The following RPS6KC1 variants were observed in gnomAD, a reference collection of about 807,000 sequenced individuals.
The protein encoded by RPS6KC1 is ribosomal protein S6 kinase C1.
In RPS6KC1, 54 loss-of-function variants were observed where a neutral mutation model predicts 103.8. The observed-to-expected ratio is 0.52, with a 90% confidence interval of 0.42 to 0.65. The LOEUF is 0.65. RPS6KC1 is among the 30% of genes least tolerant of loss of function. The pLI is 0.00. For synonymous variants in RPS6KC1, 439 were observed against 438.7 expected, an observed-to-expected ratio of 1.00 and a Z score of -0.01; for missense variants, 1,151 against 1,253.8, an observed-to-expected ratio of 0.92 and a Z score of 1.24.
the RPS6KC1 span, among the ~76,000 whole-genome samples, chr1:213,602,019 T>TTCTTTTC: frequency 6.3e-5 from 2 of 31,522 alleles, no homozygotes; most frequent in Non-Finnish European, 1.4e-4. Flanking sequence ...TTCTTTTCTT[T>TTCTTTTC]CTTTCTTTCT....
At chr1:213,056,310 G>A (rs2077326368) in intron 1 of RPS6KC1, among the ~76,000 whole-genome samples, 1 of 152,132 alleles carries the variant, frequency 6.6e-6, no homozygotes, top group African/African-American at 2.4e-5. Flanking sequence ...CTTGTCCAGG[G>A]TCATATAGCC....
At chr1:213,860,082 A>G in the RPS6KC1 span, among the ~76,000 whole-genome samples, 1 of 151,628 alleles carries the variant, frequency 6.6e-6, no homozygotes, top group Non-Finnish European at 1.5e-5. Context: ...TGACATAGAA[A>G]AAAGGTGTAA....
intron 4 of RPS6KC1, among the ~76,000 whole-genome samples, chr1:213,115,344 G>C (rs991115922): frequency 1.1e-4 from 16 of 152,228 alleles, no homozygotes; most frequent in Admixed American, 1.0e-3. Context: ...TTTGCATAGA[G>C]GTGTCTGTAG....
At chr1:213,280,695 A>G in the RPS6KC1 span, among the ~76,000 whole-genome samples, 19 of 152,270 alleles carry the variant, frequency 1.2e-4, no homozygotes, top group African/African-American at 4.3e-4. Context: ...GGTGAGGGGA[A>G]TGTGGGTGAT....
At chr1:213,646,027 GT>G in the RPS6KC1 span, among the ~76,000 whole-genome samples, 2 of 151,912 alleles carry the variant, frequency 1.3e-5, no homozygotes, top group Admixed American at 1.3e-4. Context: ...TGCAGCTGAA[GT>G]TTTTTAAAAA....
At chr1:213,397,015 A>C in the RPS6KC1 span, among the ~76,000 whole-genome samples, 1 of 152,160 alleles carries the variant, frequency 6.6e-6, no homozygotes, top group Non-Finnish European at 1.5e-5. Flanking sequence ...AAATTCTCAA[A>C]ACATAAGTCC....
the RPS6KC1 span, among the ~76,000 whole-genome samples, chr1:213,740,634 A>G: frequency 7.4e-4 from 112 of 150,468 alleles, no homozygotes; most frequent in Non-Finnish European, 1.5e-3. Flanking sequence ...TCAGATATAT[A>G]TACACATACA....
chr1:213,498,341 TA>T, the RPS6KC1 span, among the ~76,000 whole-genome samples: 5 of 152,246 alleles, frequency 3.3e-5, no homozygotes, highest in Admixed American at 3.3e-4. Flanking sequence ...TTTTCCATAT[TA>T]GAAAATCTCT....
At chr1:213,561,620 T>C in the RPS6KC1 span, among the ~76,000 whole-genome samples, 2 of 152,204 alleles carry the variant, frequency 1.3e-5, no homozygotes, top group African/African-American at 4.8e-5. Context: ...CTGTGCACAA[T>C]GTGCTACTCT....
the RPS6KC1 span, among the ~76,000 whole-genome samples, chr1:213,628,911 C>G: frequency 0.02 from 2,995 of 152,152 alleles, 48 homozygotes; most frequent in Non-Finnish European, 0.026. Flanking sequence ...GTTTCTTAAC[C>G]CTGAGTTCTG....
At chr1:213,760,592 T>C in the RPS6KC1 span, among the ~76,000 whole-genome samples, 1 of 151,712 alleles carries the variant, frequency 6.6e-6, no homozygotes, top group Non-Finnish European at 1.5e-5. Context: ...ACCTACACAA[T>C]TCAAGATAAA....
chr1:213,225,260 T>A (rs2148816728), intron 8 of RPS6KC1, among the ~76,000 whole-genome samples: 1 of 152,330 alleles, frequency 6.6e-6, no homozygotes, highest in South Asian at 2.1e-4. Context: ...AAGGGCACAT[T>A]TTTAAAAAAT....
At chr1:213,536,751 C>G in the RPS6KC1 span, among the ~76,000 whole-genome samples, 1 of 152,186 alleles carries the variant, frequency 6.6e-6, no homozygotes, top group Non-Finnish European at 1.5e-5. Context: ...CCAGTGCCCC[C>G]AACTGGGAGG....
At chr1:213,834,531 T>C in the RPS6KC1 span, among the ~76,000 whole-genome samples, 1 of 152,206 alleles carries the variant, frequency 6.6e-6, no homozygotes, top group African/African-American at 2.4e-5. Flanking sequence ...GGTATCTCTC[T>C]AAAGTGCCTA....
chr1:213,081,231 G>T (rs562428839), intron 3 of RPS6KC1, among the ~76,000 whole-genome samples: 15 of 152,258 alleles, frequency 9.9e-5, no homozygotes, highest in African/African-American at 3.1e-4. Context: ...TTTGGCTCAT[G>T]GTTTTACAGG....
intron 2 of RPS6KC1, among the ~76,000 whole-genome samples, chr1:213,071,796 G>A (rs578226699): frequency 5.3e-5 from 8 of 150,554 alleles, no homozygotes; most frequent in African/African-American, 2.0e-4. Flanking sequence ...ACTGCTTTAG[G>A]CATAGATATT....
chr1:213,696,264 C>T, the RPS6KC1 span, among the ~76,000 whole-genome samples: 1 of 152,098 alleles, frequency 6.6e-6, no homozygotes, highest in East Asian at 1.9e-4. Context: ...CTTTGGGAGG[C>T]TGAGGCGGGC....
At chr1:213,593,064 C>T in the RPS6KC1 span, among the ~76,000 whole-genome samples, 3 of 151,224 alleles carry the variant, frequency 2.0e-5, no homozygotes, top group Non-Finnish European at 4.4e-5. Flanking sequence ...GCATTACAAA[C>T]AGTGTTCAGC....
At chr1:213,578,396 G>T in the RPS6KC1 span, among the ~76,000 whole-genome samples, 1 of 152,346 alleles carries the variant, frequency 6.6e-6, no homozygotes, top group East Asian at 1.9e-4. Flanking sequence ...GCCTAGTAGA[G>T]CTGTGAGAAG....
Sources: gnomAD v4.1 joint callset for allele counts (sites outside exome capture counted in the v4.1 genomes callset) on GRCh38, gnomAD v4.1.1 for gene constraint, MANE v1.5 for transcripts, NCBI Gene and HGNC (gene_info 2026-07-23, HGNC 2026-07-21) for gene names.